The following ARHGEF7 variants were observed in gnomAD, a reference collection of about 807,000 sequenced individuals.
ARHGEF7 encodes PAK-interacting exchange factor beta.
Under a neutral mutation model 109.8 loss-of-function variants are expected in ARHGEF7, and 33 were observed. The ratio of observed to expected loss-of-function variants is 0.30; its 90% confidence interval spans 0.23 to 0.40. The LOEUF (loss-of-function observed/expected upper bound fraction) is 0.40, where lower values mean the gene tolerates loss of function less well. Ranked by LOEUF, ARHGEF7 falls within the 10% of genes least tolerant of loss-of-function variation. The probability of loss-of-function intolerance (pLI) is 1.00; values close to 1 mark genes in which losing one functional copy is unlikely to be tolerated. For synonymous variants in ARHGEF7, 458 were observed against 424.6 expected, an observed-to-expected ratio of 1.08 and a Z score of -0.97; for missense variants, 938 against 1,098.5, an observed-to-expected ratio of 0.85 and a Z score of 2.07.
chr13:111,134,890 T>C (rs1405207645), intron 1 of ARHGEF7, among the ~76,000 whole-genome samples: 1 of 152,108 alleles, frequency 6.6e-6, no homozygotes, highest in Non-Finnish European at 1.5e-5. Context: ...CTGAATGGTA[T>C]TGCCTAGGTT....
At chr13:111,265,030 A>G (rs564140649) in intron 8 of ARHGEF7, among the ~76,000 whole-genome samples, 1 of 150,994 alleles carries the variant, frequency 6.6e-6, no homozygotes, top group Middle Eastern at 3.2e-3. Flanking sequence ...AGGCTGAGAC[A>G]CGAGAATCGC....
chr13:111,291,192 G>A (rs908807960), intron 18 of ARHGEF7, among the ~76,000 whole-genome samples: 1 of 152,220 alleles, frequency 6.6e-6, no homozygotes, highest in South Asian at 2.1e-4. Context: ...GGGCATCCCC[G>A]CCTCTGCATG....
chr13:111,268,801 G>A (rs1012904593), intron 9 of ARHGEF7, among the ~76,000 whole-genome samples: 1 of 152,212 alleles, frequency 6.6e-6, no homozygotes, highest in African/African-American at 2.4e-5. Context: ...TCAGGTCAGG[G>A]TGAACGCACC....
In ARHGEF7 at chr13:111,255,560, G is replaced by C. The variant is rs1204621881; in HGVS notation, c.950+11266G>C. Among the ~76,000 whole-genome samples the C allele has an allele frequency of 2.6e-5, 4 of 152,208 alleles. No homozygotes were observed. Among genetic ancestry groups the C allele is most frequent in the Non-Finnish European group, 5.9e-5 (4 of 68,036 alleles). Reference sequence around the variant, plus strand: ...GGAGCTGAGTTCTCCTGCAGCCTCTGTTCTGCCAGGGCCCTCCCTGTGCAC... The same window carrying C: ...GGAGCTGAGTTCTCCTGCAGCCTCTCTTCTGCCAGGGCCCTCCCTGTGCAC... On this transcript the variant is annotated intron_variant, in intron 8 of 21. Coordinates refer to ENST00000646102, the MANE Select transcript of ARHGEF7 (RefSeq NM_001354046.2). This position sits in a 1 kb window ranked among gnomAD's most constrained non-coding sequence, Gnocchi z 4.1.
intron 15 of ARHGEF7, 107 bp downstream of exon 15, chr13:111,280,784 A>C: frequency 1.6e-6 from 2 of 1,271,912 alleles, no homozygotes; most frequent in Non-Finnish European, 2.1e-6. Context: ...TATTTGGATA[A>C]AAAGTGCAAA....
intron 1 of ARHGEF7, among the ~76,000 whole-genome samples, chr13:111,142,749 C>A (rs568200087): frequency 3.9e-5 from 6 of 152,328 alleles, no homozygotes; most frequent in African/African-American, 1.2e-4. Context: ...CTTTCTTCCT[C>A]TGGGTGAATG....
At chr13:111,196,095 C>G (rs911256387) in intron 2 of ARHGEF7, among the ~76,000 whole-genome samples, 2 of 152,186 alleles carry the variant, frequency 1.3e-5, no homozygotes, top group African/African-American at 4.8e-5. Flanking sequence ...AGAGTATTTT[C>G]TTAAGGCCTC....
intron 1 of ARHGEF7, among the ~76,000 whole-genome samples, chr13:111,123,660 C>G (rs2067343272): frequency 6.6e-6 from 1 of 152,162 alleles, no homozygotes; most frequent in Non-Finnish European, 1.5e-5. Context: ...TTTTAGAAAT[C>G]TTATTAAGAC....
At chr13:111,238,861 T>G (rs2087243415) in intron 6 of ARHGEF7, among the ~76,000 whole-genome samples, 1 of 152,096 alleles carries the variant, frequency 6.6e-6, no homozygotes, top group Non-Finnish European at 1.5e-5. Flanking sequence ...TTTTTAGGCT[T>G]TCTGTATTAG....
chr13:111,214,241 C>T (rs1315072621), intron 4 of ARHGEF7, among the ~76,000 whole-genome samples: 1 of 152,250 alleles, frequency 6.6e-6, no homozygotes, highest in Non-Finnish European at 1.5e-5. Context: ...TGAGGTGGAA[C>T]TCCGCTGCCT....
intron 6 of ARHGEF7, among the ~76,000 whole-genome samples, chr13:111,238,411 C>T (rs2087144044): frequency 6.6e-6 from 1 of 152,090 alleles, no homozygotes; most frequent in African/African-American, 2.4e-5. Context: ...AGTGCTGGAC[C>T]TTAGAGGTTT....
chr13:111,140,146 G>A (rs923649246), intron 1 of ARHGEF7, among the ~76,000 whole-genome samples: 1 of 152,146 alleles, frequency 6.6e-6, no homozygotes, highest in Non-Finnish European at 1.5e-5. Context: ...CAGGTCCTTC[G>A]TTCATTAATT....
intron 8 of ARHGEF7, among the ~76,000 whole-genome samples, chr13:111,257,581 A>G (rs1261154185): frequency 6.6e-6 from 1 of 152,256 alleles, no homozygotes; most frequent in Non-Finnish European, 1.5e-5. Context: ...ACCAAATTGA[A>G]CAACTCTCCA....
chr13:111,209,750 C>A (rs1279437270), intron 3 of ARHGEF7, 122 bp from the exon 4 acceptor site: 68 of 1,146,198 alleles, frequency 5.9e-5, no homozygotes, highest in Non-Finnish European at 8.1e-5. Flanking sequence ...AAATGGGCTG[C>A]TTTGTTGTGG....
chr13:111,138,270 A>T (rs2075179249), intron 1 of ARHGEF7, among the ~76,000 whole-genome samples: 1 of 152,032 alleles, frequency 6.6e-6, no homozygotes, highest in Admixed American at 6.6e-5. Context: ...CCAAGATCTC[A>T]CTATAGCACT....
At chr13:111,209,720 T>G in intron 3 of ARHGEF7, 152 bp from the exon 4 acceptor site, 2 of 807,844 alleles carry the variant, frequency 2.5e-6, no homozygotes, top group African/African-American at 1.7e-5. Context: ...AGCAAATAAT[T>G]TGTTCTTTGT....
intron 19 of ARHGEF7, among the ~76,000 whole-genome samples, chr13:111,299,337 A>ATTTTTTTTTTT (rs936360326): frequency 9.4e-6 from 1 of 106,110 alleles, no homozygotes. Flanking sequence ...GAAGCCATTC[A>ATTTTTTTTTTT]TTTTTTTTTT....
chr13:111,189,335 G>C (rs2079596731), intron 2 of ARHGEF7, among the ~76,000 whole-genome samples: 1 of 152,286 alleles, frequency 6.6e-6, no homozygotes, highest in East Asian at 1.9e-4. Context: ...TGTTCCTTCA[G>C]ATGTTCAGAT....
intron 20 of ARHGEF7, 46 bp downstream of exon 20, chr13:111,300,893 G>A: frequency 2.3e-6 from 3 of 1,328,950 alleles, no homozygotes; most frequent in Middle Eastern, 1.9e-4. Flanking sequence ...GACCTCTGCG[G>A]TGGGGTAGTA....
Sources: gnomAD v4.1 joint callset for allele counts (sites outside exome capture counted in the v4.1 genomes callset) on GRCh38, gnomAD v4.1.1 for gene constraint, Gnocchi (gnomAD v3.1) non-coding constraint, MANE v1.5 for transcripts, NCBI Gene and HGNC (gene_info 2026-07-23, HGNC 2026-07-21) for gene names.